ABCG2: variants seen among roughly 807,000 people sequenced by gnomAD.
ABCG2 encodes the protein ATP binding cassette subfamily G member 2 (JR blood group).
A neutral mutation model predicts 73.5 loss-of-function variants in ABCG2; 80 were observed. The ratio of observed to expected loss-of-function variants is 1.09; its 90% CI spans 0.91 to 1.31. The LOEUF is 1.31. ABCG2 is among the 50% of genes most tolerant of loss of function. The pLI is 0.00. For missense variants in ABCG2, 796 were observed against 786.2 expected (o/e 1.01, Z -0.15); for synonymous variants, 269 against 282.4 (o/e 0.95, Z 0.48).
At chr4:88,206,760 G>A (rs561134398) in intron 1 of ABCG2, among the ~76,000 whole-genome samples, 23 of 152,248 alleles carry the variant, frequency 1.5e-4, no homozygotes, top group Non-Finnish European at 2.4e-4. Flanking sequence ...CAGTGGTCTC[G>A]TCTTCCTTTG....
intron 1 of ABCG2, chr4:88,220,454 A>G (rs1729974574): frequency 1.3e-5 from 2 of 152,206 alleles, no homozygotes; most frequent in South Asian, 4.1e-4. Context: ...CAATCTCTCC[A>G]CATTCTTGCC....
At chr4:88,161,219 G>C (rs1294838960), upstream of ABCG2, among the ~76,000 whole-genome samples, 1 of 128,746 alleles carries the variant, frequency 7.8e-6, no homozygotes, top group African/African-American at 3.0e-5. Context: ...TGTGCACATT[G>C]TGCAGGTTAG....
intron 5 of ABCG2, among the ~76,000 whole-genome samples, chr4:88,129,337 T>A (rs1156923152): frequency 2.0e-5 from 3 of 152,204 alleles, no homozygotes; most frequent in African/African-American, 7.2e-5. Context: ...GACAATTCAC[T>A]CTACATTTCT....
At chr4:88,172,423 C>T (rs893007127) in intron 1 of ABCG2, among the ~76,000 whole-genome samples, 1 of 151,328 alleles carries the variant, frequency 6.6e-6, no homozygotes, top group Non-Finnish European at 1.5e-5. Context: ...ACTAAAAATA[C>T]AAAAATGAAC....
At chr4:88,181,398 CAAAAAAAAAAAAA>C (rs57417105) in intron 1 of ABCG2, among the ~76,000 whole-genome samples, 2 of 96,892 alleles carry the variant, frequency 2.1e-5, no homozygotes, top group Non-Finnish European at 3.9e-5. Context: ...GACTCCATCT[CAAAAAAAAAAAAA>C]AAAAAAAAAA....
chr4:88,149,785 A>G (rs553365675), intron 1 of ABCG2, among the ~76,000 whole-genome samples: 4 of 152,262 alleles, frequency 2.6e-5, no homozygotes, highest in African/African-American at 9.6e-5. Context: ...TGGGAGGCAG[A>G]GGTTGCGGTG....
At chr4:88,158,854 G>T, upstream of ABCG2, 1 of 334,636 alleles carries the variant, frequency 3.0e-6, no homozygotes, top group South Asian at 2.2e-5. Flanking sequence ...CTCAGGCAGC[G>T]CTGACACGAA....
At chr4:88,097,738 T>C in intron 12 of ABCG2, 131 bp from the exon 13 acceptor site, 1 of 944,732 alleles carries the variant, frequency 1.1e-6, no homozygotes, top group Non-Finnish European at 1.6e-6. Context: ...TCATCCACTC[T>C]CCAACCACCC....
chr4:88,168,796 A>C (rs982967121), intron 1 of ABCG2, among the ~76,000 whole-genome samples: 5 of 152,170 alleles, frequency 3.3e-5, no homozygotes, highest in African/African-American at 1.2e-4. Flanking sequence ...AAAAAAGTAC[A>C]GGAAATCTAA....
upstream of ABCG2, among the ~76,000 whole-genome samples, chr4:88,161,321 CT>C (rs1727296133): frequency 2.1e-5 from 2 of 96,458 alleles, no homozygotes; most frequent in African/African-American, 8.1e-5. Flanking sequence ...TCCCTCCCCC[CT>C]CCCCCGACCC....
At chr4:88,219,668 G>A (rs921554953) in intron 1 of ABCG2, among the ~76,000 whole-genome samples, 37 of 130,534 alleles carry the variant, frequency 2.8e-4, no homozygotes, top group African/African-American at 1.0e-3. Flanking sequence ...TGCAAGCTCC[G>A]CCTCCCAGGT....
intron 1 of ABCG2, among the ~76,000 whole-genome samples, chr4:88,211,358 G>GCCCCCCCCCCCCCCCCCCCCCCCTCC (rs1264405228): frequency 3.0e-5 from 1 of 33,648 alleles, no homozygotes; most frequent in Non-Finnish European, 5.6e-5. Flanking sequence ...TTCAACCCCT[G>GCCCCCCCCCCCCCCCCCCCCCCCTCC]CCCCACCCCC....
intron 10 of ABCG2, among the ~76,000 whole-genome samples, chr4:88,106,685 T>G (rs1722788315): frequency 6.6e-6 from 1 of 151,886 alleles, no homozygotes; most frequent in South Asian, 2.1e-4. Flanking sequence ...AATTCTAGAG[T>G]TGGATGGTGG....
chr4:88,217,640 C>T (rs1483514910), intron 1 of ABCG2, among the ~76,000 whole-genome samples: 1 of 148,776 alleles, frequency 6.7e-6, no homozygotes, highest in Non-Finnish European at 1.5e-5. Flanking sequence ...CCAGCCTGGG[C>T]AACAGAATGA....
intron 1 of ABCG2, among the ~76,000 whole-genome samples, chr4:88,227,473 A>G (rs1730269691): frequency 6.6e-6 from 1 of 152,200 alleles, no homozygotes; most frequent in South Asian, 2.1e-4. Flanking sequence ...CCATAAATGT[A>G]TTCTTTTAAA....
intron 1 of ABCG2, chr4:88,220,540 C>CT (rs1245169494): frequency 6.6e-6 from 1 of 152,514 alleles, no homozygotes; most frequent in Non-Finnish European, 1.5e-5. Flanking sequence ...ATTGGGGTGG[C>CT]TTCCCATTTA....
chr4:88,139,883 C>T lies in ABCG2; in HGVS notation c.113G>A (p.Ser38Asn). Reference sequence around the variant, plus strand: ...TACTCGATAGCAGATGTTATGAAAACTTAACACAGCTCCTTCAGTAAATGC... The same window carrying T: ...TACTCGATAGCAGATGTTATGAAAATTTAACACAGCTCCTTCAGTAAATGC... ...LKAFTEGAVLSFHNICYRVKL... is the reference protein window; with the variant it reads ...LKAFTEGAVLNFHNICYRVKL... Residue 38 changes from serine to asparagine, a missense_variant, in exon 2 of 16, where the codon AGT (serine) becomes AAT (asparagine). Ser to Asn is a conservative substitution (Grantham distance 46, BLOSUM62 1). Coordinates refer to ENST00000237612, the MANE Select transcript of ABCG2 (RefSeq NM_004827.3). The T allele has an allele frequency of 6.2e-7, 1 of 1,614,154 alleles. No individual in the cohort carries two copies. Among genetic ancestry groups the T allele is most frequent in the Non-Finnish European group, 8.5e-7 (1 of 1,180,020 alleles).
At chr4:88,201,940 C>T (rs529996658) in intron 1 of ABCG2, 1 of 152,212 alleles carries the variant, frequency 6.6e-6, no homozygotes, top group East Asian at 1.9e-4. Flanking sequence ...TGGTCCTCAA[C>T]CTATCTGCAT....
chr4:88,142,995 T>C (rs1373066479), intron 1 of ABCG2, among the ~76,000 whole-genome samples: 1 of 152,162 alleles, frequency 6.6e-6, no homozygotes, highest in Non-Finnish European at 1.5e-5. Flanking sequence ...GCTGTGCCTG[T>C]ACACAACATA....
Sources: gnomAD v4.1 joint callset for allele counts (sites outside exome capture counted in the v4.1 genomes callset) on GRCh38, gnomAD v4.1.1 for gene constraint, MANE v1.5 for transcripts, NCBI Gene and HGNC (gene_info 2026-07-23, HGNC 2026-07-21) for gene names.